Variants in RUNX1 observed in about 807,000 individuals in gnomAD.
The protein encoded by RUNX1 is runt-related transcription factor 1.
Under a neutral mutation model 42.8 loss-of-function variants are expected in RUNX1, and 19 were observed. The ratio of observed to expected loss-of-function variants is 0.44; its 90% CI spans 0.31 to 0.65. RUNX1 has a LOEUF of 0.65. Ranked by LOEUF, RUNX1 falls within the 30% of genes least tolerant of loss-of-function variation. The pLI is 0.07. For missense variants in RUNX1, 528 were observed against 672.0 expected, an observed-to-expected ratio of 0.79 and a Z score of 2.37; for synonymous variants, 271 against 289.4, an observed-to-expected ratio of 0.94 and a Z score of 0.64.
At chr21:34,981,974 C>G (rs893792774) in intron 2 of RUNX1, among the ~76,000 whole-genome samples, 2 of 152,174 alleles carry the variant, frequency 1.3e-5, no homozygotes, top group Non-Finnish European at 2.9e-5. Context: ...AGTCTCAGAA[C>G]AGCTGCTAAA....
intron 7 of RUNX1, among the ~76,000 whole-genome samples, chr21:34,804,556 C>G (rs1410315563): frequency 6.6e-6 from 1 of 151,882 alleles, no homozygotes; most frequent in Non-Finnish European, 1.5e-5. Flanking sequence ...TAAAAAATTA[C>G]AAGAAAGGCA....
chr21:34,825,527 C>T (rs534787855), intron 7 of RUNX1, among the ~76,000 whole-genome samples: 6 of 152,250 alleles, frequency 3.9e-5, no homozygotes, highest in South Asian at 2.1e-4. Flanking sequence ...TATAGTAACA[C>T]GATTGGGGCA....
chr21:34,878,023 CA>C (rs2057839313), intron 5 of RUNX1, among the ~76,000 whole-genome samples: 1 of 151,932 alleles, frequency 6.6e-6, no homozygotes, highest in Non-Finnish European at 1.5e-5. Context: ...AGCACATTTT[CA>C]AAAACAGAAA....
chr21:34,970,668 T>C (rs2058757565), intron 2 of RUNX1, among the ~76,000 whole-genome samples: 1 of 152,208 alleles, frequency 6.6e-6, no homozygotes, highest in Admixed American at 6.5e-5. Context: ...CATATTATTC[T>C]TTACATCTGC....
chr21:34,889,481 A>G (rs1012484017), intron 3 of RUNX1, among the ~76,000 whole-genome samples: 1 of 152,040 alleles, frequency 6.6e-6, no homozygotes, highest in African/African-American at 2.4e-5. Context: ...CCTAGTCAGG[A>G]AAGACCCCAA....
rs1601712674 is a variant in RUNX1, at chr21:35,049,173, T to C, written c.-65A>G. The C allele has an allele frequency of 2.1e-6, 1 of 469,950 alleles. No individual in the cohort carries two copies. Among genetic ancestry groups the C allele is most frequent in the Non-Finnish European group, 3.9e-6 (1 of 257,752 alleles). 29.1% of individuals were successfully genotyped at this position (469,950 alleles called of 1,614,324 possible). A position where few individuals can be genotyped will look rare whatever the true frequency, so the allele number is the denominator to read the frequency against. Reference sequence around the variant, plus strand: ...TGTGGGTTGGTGATGCTCACCACGCTGCGAAACCCTGTGGTTTGCATTCAG... The same window carrying C: ...TGTGGGTTGGTGATGCTCACCACGCCGCGAAACCCTGTGGTTTGCATTCAG... On this transcript the variant is annotated 5_prime_UTR_variant, in exon 1 of 9. Coordinates refer to ENST00000675419, the MANE Select transcript of RUNX1 (RefSeq NM_001754.5).
At chr21:34,913,970 G>GTAGC (rs997580460) in intron 2 of RUNX1, among the ~76,000 whole-genome samples, 14 of 152,198 alleles carry the variant, frequency 9.2e-5, no homozygotes, top group African/African-American at 3.4e-4. Flanking sequence ...TCCAGTGTGT[G>GTAGC]TAGCTGCTCA....
intron 2 of RUNX1, among the ~76,000 whole-genome samples, chr21:34,937,926 A>G (rs775717044): frequency 6.6e-6 from 1 of 152,176 alleles, no homozygotes; most frequent in Non-Finnish European, 1.5e-5. Flanking sequence ...AAGAAATTGG[A>G]AGTTAAATTT....
At chr21:35,009,921 C>G (rs928161331) in intron 2 of RUNX1, among the ~76,000 whole-genome samples, 1 of 152,082 alleles carries the variant, frequency 6.6e-6, no homozygotes, top group Non-Finnish European at 1.5e-5. Flanking sequence ...GACCATATGC[C>G]ACTTGCAAGC....
At chr21:34,828,004 C>G (rs959738443) in intron 7 of RUNX1, among the ~76,000 whole-genome samples, 1 of 152,234 alleles carries the variant, frequency 6.6e-6, no homozygotes, top group Non-Finnish European at 1.5e-5. Context: ...AATGGAGACA[C>G]AGAATTGGGG....
At chr21:34,991,507 A>T (rs2058938576) in intron 2 of RUNX1, among the ~76,000 whole-genome samples, 1 of 152,096 alleles carries the variant, frequency 6.6e-6, no homozygotes, top group Non-Finnish European at 1.5e-5. Context: ...CTGCATAGCT[A>T]TCACTATGTG....
chr21:34,874,123 TTCTCTC>T (rs3831803), intron 5 of RUNX1, among the ~76,000 whole-genome samples: 7 of 144,952 alleles, frequency 4.8e-5, no homozygotes, highest in Non-Finnish European at 6.1e-5. Context: ...GATATTCTCA[TTCTCTC>T]TCTCTCTCTC....
chr21:34,814,918 T>C (rs2056804681), intron 7 of RUNX1, among the ~76,000 whole-genome samples: 1 of 152,190 alleles, frequency 6.6e-6, no homozygotes, highest in South Asian at 2.1e-4. Context: ...TTGTGTTCAC[T>C]GACTGACTCT....
At chr21:34,829,424 T>C (rs2057033144) in intron 7 of RUNX1, among the ~76,000 whole-genome samples, 1 of 152,210 alleles carries the variant, frequency 6.6e-6, no homozygotes, top group Non-Finnish European at 1.5e-5. Flanking sequence ...GTCATCCCAC[T>C]GGTTTTCATT....
chr21:34,906,762 A>G (rs893934538), intron 2 of RUNX1, among the ~76,000 whole-genome samples: 2 of 152,210 alleles, frequency 1.3e-5, no homozygotes, highest in Non-Finnish European at 2.9e-5. Context: ...CTCCAGTTAA[A>G]GGGGATTTGC....
At chr21:34,993,691 AGG>A (rs1491155573) in intron 2 of RUNX1, among the ~76,000 whole-genome samples, 1 of 115,394 alleles carries the variant, frequency 8.7e-6, no homozygotes, top group African/African-American at 4.0e-5. Flanking sequence ...ACACACACAC[AGG>A]CGCACACACA....
chr21:34,867,337 G>A (rs577539213), intron 5 of RUNX1, among the ~76,000 whole-genome samples: 1 of 152,344 alleles, frequency 6.6e-6, no homozygotes, highest in African/African-American at 2.4e-5. Context: ...CTACTTGGGA[G>A]GCTGAGGCAC....
intron 7 of RUNX1, 144 bp downstream of exon 7, chr21:34,834,266 G>A (rs778032050): frequency 2.4e-6 from 2 of 831,738 alleles, no homozygotes; most frequent in Admixed American, 3.8e-5. Flanking sequence ...ACAGCTCCCA[G>A]GTGGTGCTGT....
At chr21:34,889,801 G>A (rs1569087979) in intron 3 of RUNX1, 2 of 1,128,982 alleles carry the variant, frequency 1.8e-6, no homozygotes, top group Admixed American at 5.3e-5. Context: ...GACCCCGCCC[G>A]GCGGGGCTCC....
Sources: gnomAD v4.1 joint callset for allele counts (sites outside exome capture counted in the v4.1 genomes callset) on GRCh38, gnomAD v4.1.1 for gene constraint, MANE v1.5 for transcripts, NCBI Gene and HGNC (gene_info 2026-07-23, HGNC 2026-07-21) for gene names.